The following RABGAP1L variants were observed in gnomAD, a reference collection of about 807,000 sequenced individuals.
RABGAP1L encodes the protein rab GTPase-activating protein 1-like.
In RABGAP1L, 63 loss-of-function variants were observed where a neutral mutation model predicts 137.7. That is an observed-to-expected ratio of 0.46 (90% CI 0.37 to 0.56). The LOEUF is 0.56. Ranked by LOEUF, RABGAP1L falls within the 20% of genes least tolerant of loss-of-function variation. RABGAP1L has a pLI of 0.00. For synonymous variants in RABGAP1L, 431 were observed against 433.7 expected (o/e 0.99, Z 0.08); for missense variants, 1,095 against 1,244.0 (o/e 0.88, Z 1.80).
chr1:174,898,998 A>G (rs1558207451), intron 19 of RABGAP1L, among the ~76,000 whole-genome samples: 1 of 152,128 alleles, frequency 6.6e-6, no homozygotes, highest in Non-Finnish European at 1.5e-5. Context: ...ATCTCATCTA[A>G]ATTTGAAACC....
At chr1:174,487,839 A>C (rs1432360231) in intron 13 of RABGAP1L, among the ~76,000 whole-genome samples, 1 of 152,132 alleles carries the variant, frequency 6.6e-6, no homozygotes, top group Non-Finnish European at 1.5e-5. Context: ...AATATCTTAT[A>C]ACCCATTATT....
intron 17 of RABGAP1L, among the ~76,000 whole-genome samples, chr1:174,728,705 G>A (rs571486351): frequency 1.6e-4 from 24 of 149,828 alleles, no homozygotes; most frequent in African/African-American, 5.2e-4. Flanking sequence ...GCAGTGGTAC[G>A]ATCTCGGCTC....
intron 1 of RABGAP1L, among the ~76,000 whole-genome samples, chr1:174,198,971 G>A (rs1667905701): frequency 6.6e-6 from 1 of 152,192 alleles, no homozygotes; most frequent in Non-Finnish European, 1.5e-5. Flanking sequence ...AGCCGGGCGT[G>A]GTGGCGCATG....
chr1:174,945,236 A>T (rs777801528), intron 19 of RABGAP1L, among the ~76,000 whole-genome samples: 2 of 152,220 alleles, frequency 1.3e-5, no homozygotes, highest in Non-Finnish European at 2.9e-5. Context: ...ATGTAACCAG[A>T]TTTAATGCTT....
intron 19 of RABGAP1L, among the ~76,000 whole-genome samples, chr1:174,872,416 C>T (rs1375863189): frequency 1.3e-5 from 2 of 152,078 alleles, no homozygotes; most frequent in Non-Finnish European, 2.9e-5. Flanking sequence ...TCTATGGTTT[C>T]TCATTCATAT....
At chr1:174,934,179 C>T (rs1184098547) in intron 19 of RABGAP1L, among the ~76,000 whole-genome samples, 4 of 152,096 alleles carry the variant, frequency 2.6e-5, no homozygotes, top group African/African-American at 9.7e-5. Context: ...ACCTCCACCT[C>T]CTGGGTTCAA....
At chr1:174,868,464 G>T (rs1651665068) in intron 19 of RABGAP1L, among the ~76,000 whole-genome samples, 1 of 152,114 alleles carries the variant, frequency 6.6e-6, no homozygotes, top group African/African-American at 2.4e-5. Context: ...GAAGTGAAGT[G>T]GTTTGTTGGT....
At chr1:174,342,691 A>G (rs1283191774) in intron 11 of RABGAP1L, among the ~76,000 whole-genome samples, 1 of 151,414 alleles carries the variant, frequency 6.6e-6, no homozygotes, top group Non-Finnish European at 1.5e-5. Context: ...CAACAGATGT[A>G]AAATGGACCA....
intron 13 of RABGAP1L, among the ~76,000 whole-genome samples, chr1:174,513,664 C>G (rs1262273210): frequency 6.6e-6 from 1 of 152,046 alleles, no homozygotes; most frequent in Non-Finnish European, 1.5e-5. Context: ...TCATTTGCCA[C>G]TTTTCTAGAC....
chr1:174,972,133 T>C (rs1670190219), intron 21 of RABGAP1L, among the ~76,000 whole-genome samples: 1 of 152,232 alleles, frequency 6.6e-6, no homozygotes, highest in Non-Finnish European at 1.5e-5. Context: ...TTCTGTTTGC[T>C]ATCTGCTTTC....
chr1:174,625,629 G>A (rs1325179245), intron 13 of RABGAP1L, among the ~76,000 whole-genome samples: 1 of 152,108 alleles, frequency 6.6e-6, no homozygotes, highest in Non-Finnish European at 1.5e-5. Context: ...TTCAATTTAT[G>A]AAAACATAAT....
At chr1:174,345,988 C>T (rs1322554927) in intron 11 of RABGAP1L, among the ~76,000 whole-genome samples, 3 of 152,048 alleles carry the variant, frequency 2.0e-5, no homozygotes, top group Admixed American at 6.5e-5. Flanking sequence ...ATTTTTTAAG[C>T]ATCAATTGAA....
intron 19 of RABGAP1L, among the ~76,000 whole-genome samples, chr1:174,923,792 A>G (rs1662201956): frequency 6.6e-6 from 1 of 151,694 alleles, no homozygotes; most frequent in Non-Finnish European, 1.5e-5. Context: ...GAGGCAGGAG[A>G]ATCGCGTCAA....
chr1:174,310,548 C>A (rs1296980963), intron 11 of RABGAP1L, among the ~76,000 whole-genome samples: 3 of 152,082 alleles, frequency 2.0e-5, no homozygotes, highest in Admixed American at 1.3e-4. Context: ...GTTGAAATCT[C>A]TTACTGTTTT....
At chr1:174,610,833 T>C (rs561356410) in intron 13 of RABGAP1L, among the ~76,000 whole-genome samples, 1 of 152,116 alleles carries the variant, frequency 6.6e-6, no homozygotes, top group East Asian at 1.9e-4. Context: ...TCATGTGTTT[T>C]TTGGCTGCAT....
chr1:174,385,547 G>A (rs752395037), intron 12 of RABGAP1L, among the ~76,000 whole-genome samples: 6 of 152,142 alleles, frequency 3.9e-5, no homozygotes, highest in Admixed American at 2.6e-4. Context: ...GATTACTTAC[G>A]GAGTGAGTTT....
intron 13 of RABGAP1L, among the ~76,000 whole-genome samples, chr1:174,606,343 A>C (rs1337876867): frequency 1.3e-5 from 2 of 152,192 alleles, no homozygotes; most frequent in Admixed American, 6.5e-5. Flanking sequence ...AGCCTGCCAC[A>C]CCCACTGTCT....
chr1:174,493,783 T>TG (rs1201465662), intron 13 of RABGAP1L, among the ~76,000 whole-genome samples: 2 of 141,336 alleles, frequency 1.4e-5, no homozygotes, highest in Non-Finnish European at 3.0e-5. Context: ...ATCATGTCAG[T>TG]GCACTTCAGC....
intron 13 of RABGAP1L, among the ~76,000 whole-genome samples, chr1:174,621,248 G>A (rs1672433924): frequency 6.6e-6 from 1 of 152,170 alleles, no homozygotes; most frequent in Non-Finnish European, 1.5e-5. Context: ...TGGGTAGGAA[G>A]AATCAATATC....
Sources: gnomAD v4.1 joint callset for allele counts (sites outside exome capture counted in the v4.1 genomes callset) on GRCh38, gnomAD v4.1.1 for gene constraint, MANE v1.5 for transcripts, NCBI Gene and HGNC (gene_info 2026-07-23, HGNC 2026-07-21) for gene names.